ST18: variants seen among roughly 807,000 people sequenced by gnomAD.
ST18 encodes suppression of tumorigenicity 18 protein.
ST18 carries 50 observed loss-of-function variants against 110.0 expected under a neutral mutation model. The observed-to-expected ratio is 0.45, with a 90% CI of 0.36 to 0.58. The LOEUF (loss-of-function observed/expected upper bound fraction) is 0.58, where lower values mean the gene tolerates loss of function less well. ST18 is among the 20% of genes least tolerant of loss of function. ST18 has a pLI of 0.00. For missense variants in ST18, 1,306 were observed against 1,280.1 expected, an observed-to-expected ratio of 1.02 and a Z score of -0.31; for synonymous variants, 461 against 452.4, an observed-to-expected ratio of 1.02 and a Z score of -0.24.
rs1311606778 is a variant in ST18 at position 52,409,549 on chromosome 8, T to A, written c.-591A>T. On this transcript the variant is annotated splice_region_variant and 5_prime_UTR_variant, in exon 1 of 26. It adds an upstream start codon to the 5' untranslated region. Coordinates refer to ENST00000689386, the MANE Select transcript of ST18 (RefSeq NM_001352837.2). The stretch of plus-strand genomic sequence containing the variant: ...AATGCCAAGCCAATGTGATAGCACC[T>A]TCCACAACTCTGCCAGGCACTGGTT... The A allele has an allele frequency of 8.5e-5, 13 of 152,166 alleles. No homozygotes were observed. The highest frequency in any genetic ancestry group is 2.9e-4 in the African/African-American group (12 of 41,436). The allele number at this position is 152,166 out of a possible 1,614,324, so 9.4% of individuals were successfully genotyped here.
At chr8:52,331,156 A>G (rs889930228) in intron 2 of ST18, among the ~76,000 whole-genome samples, 1 of 152,142 alleles carries the variant, frequency 6.6e-6, no homozygotes, top group Admixed American at 6.5e-5. Context: ...CAAGCCATCT[A>G]AGGAGCCACA....
At chr8:52,150,028 C>T in intron 15 of ST18, 51 bp from the exon 16 acceptor site, 1 of 1,567,830 alleles carries the variant, frequency 6.4e-7, no homozygotes, top group African/African-American at 1.4e-5. Context: ...GCAGTTACAG[C>T]CTAGCCATGT....
chr8:52,352,977 A>T (rs530316571), intron 2 of ST18, among the ~76,000 whole-genome samples: 1 of 152,350 alleles, frequency 6.6e-6, no homozygotes, highest in South Asian at 2.1e-4. Context: ...TCTTCCAGCT[A>T]CTATGGTAGA....
rs2062564569 is a variant in ST18, at chr8:52,165,210, T to C, written c.1220A>G (p.Glu407Gly). The C allele has an allele frequency of 6.2e-7, 1 of 1,614,226 alleles. No individual in the cohort carries two copies. The highest frequency in any genetic ancestry group is 1.1e-5 in the South Asian group (1 of 91,090). Residue 407 changes from glutamate (E) to glycine (G), a missense_variant, in exon 12 of 26, where the codon GAA becomes GGA. Transcript: ENST00000689386. ...RVPLEILAMH[E>G]NVLKCPTPGC... ...CGGCGTGGGACACTTGAGCACATTT[T>C]CATGCATGGCAAGAACTAAGCACAA...
chr8:52,319,274 G>A (rs767217901), intron 2 of ST18, among the ~76,000 whole-genome samples: 1 of 152,034 alleles, frequency 6.6e-6, no homozygotes. Context: ...TCAATACAAA[G>A]CATTTCTCTG....
At chr8:52,119,730 G>A (rs1196900971) in intron 23 of ST18, among the ~76,000 whole-genome samples, 1 of 152,124 alleles carries the variant, frequency 6.6e-6, no homozygotes, top group African/African-American at 2.4e-5. Flanking sequence ...GAGATTCTTA[G>A]TAATTTAGTG....
intron 2 of ST18, among the ~76,000 whole-genome samples, chr8:52,236,960 T>A (rs1474810865): frequency 6.6e-6 from 1 of 152,202 alleles, no homozygotes; most frequent in Non-Finnish European, 1.5e-5. Flanking sequence ...ACACACTCTG[T>A]CTCTCAAGTA....
chr8:52,247,200 G>A (rs543732693), intron 2 of ST18, among the ~76,000 whole-genome samples: 2 of 152,192 alleles, frequency 1.3e-5, no homozygotes, highest in South Asian at 2.1e-4. Flanking sequence ...GTAATACAAA[G>A]TTTCCTTCTG....
chr8:52,140,546 ATGAT>A, intron 17 of ST18, among the ~76,000 whole-genome samples: 1 of 120,604 alleles, frequency 8.3e-6, no homozygotes, highest in African/African-American at 2.8e-5. Context: ...TAGATGATAG[ATGAT>A]AGATAGATAG....
At chr8:52,371,695 A>G (rs1439609978) in intron 2 of ST18, among the ~76,000 whole-genome samples, 1 of 152,226 alleles carries the variant, frequency 6.6e-6, no homozygotes, top group South Asian at 2.1e-4. Flanking sequence ...ACAATCATGC[A>G]TTCCAGTCAA....
chr8:52,324,397 G>T (rs1213988049), intron 2 of ST18, among the ~76,000 whole-genome samples: 1 of 152,046 alleles, frequency 6.6e-6, no homozygotes, highest in Non-Finnish European at 1.5e-5. Flanking sequence ...TCTCAAGTGT[G>T]TAGCATGGGT....
At chr8:52,157,128 C>A (rs1043494523) in intron 15 of ST18, among the ~76,000 whole-genome samples, 1 of 152,132 alleles carries the variant, frequency 6.6e-6, no homozygotes, top group African/African-American at 2.4e-5. Context: ...TTTTTTGAAA[C>A]GTGTCCATTT....
intron 9 of ST18, among the ~76,000 whole-genome samples, chr8:52,178,249 G>A (rs2134074610): frequency 1.3e-5 from 2 of 152,240 alleles, no homozygotes; most frequent in East Asian, 3.9e-4. Context: ...ATGTTAGCTA[G>A]ATGGATTATA....
At chr8:52,145,128 C>A (rs1440939913) in intron 16 of ST18, among the ~76,000 whole-genome samples, 2 of 150,128 alleles carry the variant, frequency 1.3e-5, no homozygotes, top group Non-Finnish European at 3.0e-5. Flanking sequence ...AAGTTATGAA[C>A]AAAGTCTCTC....
intron 2 of ST18, chr8:52,406,373 G>C (rs1371304895): frequency 6.6e-6 from 1 of 152,448 alleles, no homozygotes; most frequent in African/African-American, 2.4e-5. Context: ...AAGAAGCACA[G>C]AATGATTCTC....
intron 6 of ST18, among the ~76,000 whole-genome samples, chr8:52,214,473 A>C (rs2083397331): frequency 6.6e-6 from 1 of 152,174 alleles, no homozygotes; most frequent in African/African-American, 2.4e-5. Context: ...GAGAACAGCG[A>C]CAAGAGGGCA....
chr8:52,128,804 T>A (rs2048087939), intron 22 of ST18, among the ~76,000 whole-genome samples: 2 of 152,124 alleles, frequency 1.3e-5, no homozygotes, highest in Non-Finnish European at 2.9e-5. Flanking sequence ...CCTGTGCTTG[T>A]TTCATCTTCT....
Position 52,137,367 on chromosome 8 carries a change from T to A in ST18, c.2231+54A>T, listed in dbSNP as rs2052875842. ...TGGATAGAAAGGGTGAGAATAAGTA[T>A]TTAAAATAGAACAAGACCATGAAAA... On this transcript the variant is annotated intron_variant, in intron 18 of 25. Coordinates refer to ENST00000689386, the MANE Select transcript of ST18 (RefSeq NM_001352837.2). 4.4e-6 allele frequency: 7 copies of A among 1,587,870 alleles called. No individual in the cohort carries two copies. The South Asian group carries it at 7.8e-5, about 18-fold the overall frequency.
intron 2 of ST18, among the ~76,000 whole-genome samples, chr8:52,338,646 A>C (rs1813359307): frequency 1.3e-5 from 2 of 151,672 alleles, no homozygotes; most frequent in South Asian, 4.2e-4. Context: ...CTGGTCTCAA[A>C]CTCCTGGACT....
Sources: gnomAD v4.1 joint callset for allele counts (sites outside exome capture counted in the v4.1 genomes callset) on GRCh38, gnomAD v4.1.1 for gene constraint, MANE v1.5 for transcripts, NCBI Gene and HGNC (gene_info 2026-07-23, HGNC 2026-07-21) for gene names.